The following CCDC42 variants were observed in gnomAD, a reference collection of about 807,000 sequenced individuals.
The protein encoded by CCDC42 is coiled-coil domain containing 42.
A neutral mutation model predicts 40.8 loss-of-function variants in CCDC42; 38 were observed. That is an observed-to-expected ratio of 0.93 (90% CI 0.72 to 1.22). The LOEUF is 1.22. CCDC42 is among the 50% of genes most tolerant of loss of function. The pLI is 0.00. For missense variants in CCDC42, 379 were observed against 416.5 expected (o/e 0.91, Z 0.78); for synonymous variants, 135 against 157.5 (o/e 0.86, Z 1.07).
rs183268277 is a variant in CCDC42, at chr17:8,736,178, G to C, written c.493-567C>G. ...CTGCTCTTAGGAAGCTTACAGCTTGGGGGGTGGCATGGAGGGAGGACAGAC... is the reference window on the plus strand; with the variant it reads ...CTGCTCTTAGGAAGCTTACAGCTTGCGGGGTGGCATGGAGGGAGGACAGAC... On this transcript the variant is annotated intron_variant, in intron 4 of 6. Coordinates refer to ENST00000293845, the MANE Select transcript of CCDC42 (RefSeq NM_144681.3). Among the ~76,000 whole-genome samples the C allele has an allele frequency of 2.5e-4, 38 of 152,326 alleles. No individual in the cohort carries two copies. In the East Asian group the frequency reaches 3.5e-3, roughly 14 times the overall value.
In CCDC42 at chr17:8,741,605, G is replaced by A. The variant is rs759730968; in HGVS notation, c.361C>T (p.His121Tyr). Residue 121 changes from histidine to tyrosine, a missense_variant, in exon 4 of 7, where the codon CAC becomes TAC. By Grantham distance (83) the His-to-Tyr change is moderately conservative (BLOSUM62 2). Transcript: ENST00000293845. ...TTGCGCTTGGTCAGCTCCTGCATGT[G>A]CTGGCACTTGAGTTCTCGCTCCTTG... is the stretch of plus-strand genomic sequence containing the variant. ...ANKERELKCQ[H>Y]MQELTKRKQE... 1.2e-4 allele frequency: 195 copies of A among 1,614,062 alleles called. No individual in the cohort carries two copies. Among genetic ancestry groups the A allele is most frequent in the Non-Finnish European group, 1.6e-4 (189 of 1,180,054 alleles).
intron 4 of CCDC42, among the ~76,000 whole-genome samples, chr17:8,739,785 C>A (rs1439669836): frequency 6.6e-6 from 1 of 152,108 alleles, no homozygotes; most frequent in African/African-American, 2.4e-5. Flanking sequence ...TCAGGTGATC[C>A]ACCTACCTCG....
chr17:8,736,025 T>C (rs2086610084), intron 4 of CCDC42, among the ~76,000 whole-genome samples: 2 of 152,206 alleles, frequency 1.3e-5, no homozygotes. Context: ...TAATCGCTGA[T>C]GGAAGGCATT....
chr17:8,735,555 G>A lies in CCDC42; in HGVS notation c.549C>T (p.His183=), dbSNP rs147370742. Residue 183 remains histidine, a synonymous_variant, in exon 5 of 7, where the codon CAC becomes CAT. Coordinates refer to ENST00000293845, the MANE Select transcript of CCDC42 (RefSeq NM_144681.3). This position sits in a 1 kb window ranked among gnomAD's most constrained non-coding sequence, Gnocchi z 4.7. ...ARYKTLVSMR[H]DLMQSAQEGQ... ...CTTCCTGCGCAGACTGCATGAGGTCGTGGCGCATGCTCACCAGCGTCTTGT... is the reference window on the plus strand; with the variant it reads ...CTTCCTGCGCAGACTGCATGAGGTCATGGCGCATGCTCACCAGCGTCTTGT... 166 of 1,614,114 alleles carry A rather than the reference G, an allele frequency of 1.0e-4. No homozygotes were observed. The Middle Eastern group carries it at 1.8e-3, about 18-fold the overall frequency.
chr17:8,739,986 C>A (rs752168194), intron 4 of CCDC42, among the ~76,000 whole-genome samples: 1 of 152,140 alleles, frequency 6.6e-6, no homozygotes, highest in Non-Finnish European at 1.5e-5. Flanking sequence ...AGGTGGGACT[C>A]ATGCATGAGT....
At chr17:8,737,942 A>C (rs565789710) in intron 4 of CCDC42, among the ~76,000 whole-genome samples, 1 of 152,288 alleles carries the variant, frequency 6.6e-6, no homozygotes, top group Admixed American at 6.5e-5. Flanking sequence ...CAGCCTCCCA[A>C]GTAGATGGGA....
chr17:8,732,789 C>G (rs2086589115), intron 6 of CCDC42, among the ~76,000 whole-genome samples: 2 of 152,254 alleles, frequency 1.3e-5, no homozygotes, highest in Admixed American at 1.3e-4. Context: ...AACAATAGCT[C>G]AGGAGATTCA....
At chr17:8,733,801 C>G (rs2086593848) in intron 6 of CCDC42, among the ~76,000 whole-genome samples, 2 of 152,224 alleles carry the variant, frequency 1.3e-5, no homozygotes, top group Admixed American at 1.3e-4. Context: ...CCCACTGCAT[C>G]TTTCTTTACA....
chr17:8,743,297 T>G (rs1259137319), intron 3 of CCDC42, among the ~76,000 whole-genome samples: 1 of 152,162 alleles, frequency 6.6e-6, no homozygotes, highest in Non-Finnish European at 1.5e-5. Flanking sequence ...ATCACTGTAT[T>G]TCCCAAGTGT....
intron 1 of CCDC42, 61 bp downstream of exon 1, chr17:8,744,465 TG>T: frequency 7.7e-7 from 1 of 1,305,158 alleles, no homozygotes; most frequent in Non-Finnish European, 1.1e-6. Flanking sequence ...AGATGAGGTA[TG>T]GGGTGGGTGT....
chr17:8,744,308 A>G (rs1158723020), intron 1 of CCDC42, 124 bp from the exon 2 acceptor site: 16 of 783,014 alleles, frequency 2.0e-5, no homozygotes, highest in Non-Finnish European at 3.2e-5. Context: ...TTCCGAGGGA[A>G]AGGGCTGTTG....
intron 4 of CCDC42, among the ~76,000 whole-genome samples, chr17:8,738,511 G>T (rs1389924744): frequency 6.6e-6 from 1 of 150,418 alleles, no homozygotes. Context: ...TGTCACCCAG[G>T]CTGGAGTGCA....
At chr17:8,732,237 T>C (rs1020810238) in intron 6 of CCDC42, among the ~76,000 whole-genome samples, 1 of 137,850 alleles carries the variant, frequency 7.3e-6, no homozygotes, top group African/African-American at 2.8e-5. Flanking sequence ...AGGCGGAGCT[T>C]GCAGTGAGCC....
chr17:8,733,018 C>G (rs2086590183), intron 6 of CCDC42, among the ~76,000 whole-genome samples: 1 of 152,044 alleles, frequency 6.6e-6, no homozygotes, highest in Non-Finnish European at 1.5e-5. Flanking sequence ...ATTATTCATA[C>G]AGTGTCAATG....
chr17:8,732,550 G>A (rs2086587910), intron 6 of CCDC42, among the ~76,000 whole-genome samples: 1 of 152,258 alleles, frequency 6.6e-6, no homozygotes, highest in Non-Finnish European at 1.5e-5. Context: ...CAAGATGACA[G>A]AGAAGACAGG....
chr17:8,735,668 C>T lies in CCDC42; in HGVS notation c.493-57G>A. The T allele has an allele frequency of 1.4e-6, 2 of 1,447,740 alleles. No homozygotes were observed. The highest frequency in any genetic ancestry group is 1.9e-6 in the Non-Finnish European group (2 of 1,057,588). 89.7% of individuals were successfully genotyped at this position (1,447,740 alleles called of 1,614,324 possible). ...CAGCCCCTGGGGCCTGAGGGAGCCA[C>T]CCAGTCCTGCCAACCTCCAGCCTGG... On this transcript the variant is annotated intron_variant, in intron 4 of 6. Coordinates refer to ENST00000293845, the MANE Select transcript of CCDC42 (RefSeq NM_144681.3). This position sits in a 1 kb window ranked among gnomAD's most constrained non-coding sequence, Gnocchi z 4.7.
intron 6 of CCDC42, among the ~76,000 whole-genome samples, chr17:8,734,543 T>G (rs1346238072): frequency 6.6e-6 from 1 of 151,728 alleles, no homozygotes; most frequent in African/African-American, 2.4e-5. Context: ...TGCTGTTTTG[T>G]TTTTTGTTTG....
rs772820219 is a variant in CCDC42 at position 8,744,524 on chromosome 17, C to CA, written c.83+2dup. 1.4e-5 allele frequency: 23 copies of CA among 1,610,214 alleles called. No homozygotes were observed. The highest frequency in any genetic ancestry group is 1.8e-5 in the Non-Finnish European group (21 of 1,179,508). On this transcript the variant is annotated splice_region_variant and intron_variant, in intron 1 of 6. Coordinates refer to ENST00000293845, the MANE Select transcript of CCDC42 (RefSeq NM_144681.3). ...GTGGGCAAGCCAGGCCTCAGACACT[C>CA]ACTGGAGCATCTGCAGCAGCCGCTC... is the stretch of plus-strand genomic sequence containing the variant.
At position 8,741,732 on chromosome 17, in the gene CCDC42, C is replaced by A. The variant is rs1235559020; in HGVS notation, c.295-61G>T. ...TCGCCCAGCCCTCCCGGGGCCCAGG[C>A]CTTCCTGGGGCTGGTGGTGCCCTCA... On this transcript the variant is annotated intron_variant, in intron 3 of 6. Transcript: ENST00000293845. 38 of 1,528,252 alleles carry A rather than the reference C, an allele frequency of 2.5e-5. No individual in the cohort carries two copies. In the East Asian group the frequency reaches 8.7e-4, roughly 35 times the overall value. The allele number at this position is 1,528,252 out of a possible 1,614,324, so 94.7% of individuals were successfully genotyped here. A position where few individuals can be genotyped will look rare whatever the true frequency, so the allele number is the denominator to read the frequency against.
Sources: gnomAD v4.1 joint callset for allele counts (sites outside exome capture counted in the v4.1 genomes callset) on GRCh38, gnomAD v4.1.1 for gene constraint, Gnocchi (gnomAD v3.1) non-coding constraint, MANE v1.5 for transcripts, NCBI Gene and HGNC (gene_info 2026-07-23, HGNC 2026-07-21) for gene names.